ZFHX3: variants seen among roughly 807,000 people sequenced by gnomAD.
ZFHX3 encodes zinc finger homeobox 3.
In ZFHX3, 42 loss-of-function variants were observed where a neutral mutation model predicts 279.1. That is an observed-to-expected ratio of 0.15 (90% CI 0.12 to 0.19). The LOEUF is 0.19. Among genes scored for constraint, ZFHX3 ranks in the 10% least tolerant of loss-of-function variants. ZFHX3 has a pLI of 1.00. For synonymous variants in ZFHX3, 2,293 were observed against 1,957.8 expected (o/e 1.17, Z -4.52); for missense variants, 4,981 against 4,754.0 (o/e 1.05, Z -1.40).
chr16:73,473,365 A>AAAAAC (rs2018708207), intron 2 of ZFHX3, among the ~76,000 whole-genome samples: 113 of 130,098 alleles, frequency 8.7e-4, no homozygotes, highest in African/African-American at 3.2e-3. Flanking sequence ...AAACAAAAAA[A>AAAAAC]AAAAAAACAA....
intron 1 of ZFHX3, among the ~76,000 whole-genome samples, chr16:73,881,893 G>A (rs561435549): frequency 6.6e-6 from 1 of 151,988 alleles, no homozygotes; most frequent in Non-Finnish European, 1.5e-5. Context: ...GACCTGCCCC[G>A]CAGCTCCCCT....
chr16:73,852,056 A>G (rs543838091), intron 1 of ZFHX3, among the ~76,000 whole-genome samples: 1 of 152,322 alleles, frequency 6.6e-6, no homozygotes, highest in East Asian at 1.9e-4. Context: ...AAAGGTAAAA[A>G]TTGTTCATAA....
intron 1 of ZFHX3, among the ~76,000 whole-genome samples, chr16:73,723,008 T>C (rs2142240044): frequency 6.6e-6 from 1 of 152,306 alleles, no homozygotes; most frequent in African/African-American, 2.4e-5. Context: ...GTCTTCAAGC[T>C]AAATGCTAAG....
At chr16:72,903,662 CT>C (rs550991118) in intron 3 of ZFHX3, among the ~76,000 whole-genome samples, 2,260 of 152,274 alleles carry the variant, frequency 0.015, 33 homozygotes, top group Middle Eastern at 0.051. Context: ...CACAGAGGCC[CT>C]TGTGACAACT....
chr16:73,446,446 A>G (rs2018186679), intron 3 of ZFHX3, among the ~76,000 whole-genome samples: 1 of 152,208 alleles, frequency 6.6e-6, no homozygotes, highest in Non-Finnish European at 1.5e-5. Context: ...ATCAGATCTC[A>G]TAAAAGAACC....
chr16:73,086,252 GCA>G (rs1224758147), intron 8 of ZFHX3, among the ~76,000 whole-genome samples: 4 of 152,208 alleles, frequency 2.6e-5, no homozygotes, highest in Non-Finnish European at 5.9e-5. Context: ...GAACCCACGT[GCA>G]CTGTTGGTGG....
chr16:73,306,908 G>A (rs2015195035), intron 4 of ZFHX3, among the ~76,000 whole-genome samples: 3 of 152,298 alleles, frequency 2.0e-5, no homozygotes, highest in South Asian at 4.1e-4. Context: ...ACTGAGAGAA[G>A]GGTATAGAGT....
intron 3 of ZFHX3, among the ~76,000 whole-genome samples, chr16:73,376,939 C>A (rs1334451974): frequency 2.0e-5 from 3 of 150,150 alleles, no homozygotes; most frequent in Non-Finnish European, 4.4e-5. Flanking sequence ...ACAGTAACTC[C>A]AATTTTTTCA....
upstream of ZFHX3, among the ~76,000 whole-genome samples, chr16:73,048,876 G>A (rs946623457): frequency 2.0e-5 from 3 of 152,214 alleles, no homozygotes; most frequent in Non-Finnish European, 2.9e-5. Context: ...TAGAAAGATA[G>A]GAAGAAAAGA....
chr16:72,994,563 G>A (rs62053228), intron 1 of ZFHX3, among the ~76,000 whole-genome samples: 24 of 152,296 alleles, frequency 1.6e-4, no homozygotes, highest in South Asian at 1.0e-3. Flanking sequence ...CAGCCTATCC[G>A]ACTCCTACCT....
intron 3 of ZFHX3, 51 bp from the exon 4 acceptor site, chr16:72,890,013 G>A (rs900388008): frequency 3.9e-6 from 6 of 1,527,572 alleles, no homozygotes; most frequent in East Asian, 2.3e-5. Context: ...ACTCGAAGCG[G>A]CCACTGGCAT....
At chr16:73,086,728 C>G (rs994139592) in intron 8 of ZFHX3, among the ~76,000 whole-genome samples, 2 of 151,938 alleles carry the variant, frequency 1.3e-5, no homozygotes, top group South Asian at 4.1e-4. Flanking sequence ...CATGACAAAA[C>G]CCCATCTGTA....
Position 73,641,361 on chromosome 16 carries a change from A to G in ZFHX3, c.-1547+38819T>C, listed in dbSNP as rs75851609. ...ACAAGAGGAAGTGGTCTTGGAGCAGACCTAGAAAGTAACTGCCCACGCTGG... is the reference window on the plus strand; with the variant it reads ...ACAAGAGGAAGTGGTCTTGGAGCAGGCCTAGAAAGTAACTGCCCACGCTGG... On this transcript the variant is annotated intron_variant, in intron 2 of 17. Coordinates refer to the ZFHX3 transcript ENST00000641206. Among the ~76,000 whole-genome samples the G allele has an allele frequency of 3.6e-3, 551 of 152,260 alleles. 1 individual carries two copies. Among genetic ancestry groups the G allele is most frequent in the Middle Eastern group, 6.8e-3 (2 of 294 alleles).
chr16:73,174,394 C>G (rs1360170091), intron 5 of ZFHX3, among the ~76,000 whole-genome samples: 3 of 152,180 alleles, frequency 2.0e-5, no homozygotes, highest in Non-Finnish European at 2.9e-5. Context: ...GGATCCTGGT[C>G]AGATACCTGA....
chr16:73,610,509 C>A (rs1007840090), intron 2 of ZFHX3, among the ~76,000 whole-genome samples: 1 of 152,186 alleles, frequency 6.6e-6, no homozygotes, highest in Non-Finnish European at 1.5e-5. Context: ...GATAAAAGCA[C>A]TCCAAGGCAC....
At chr16:73,072,921 G>T (rs185609184) in intron 8 of ZFHX3, among the ~76,000 whole-genome samples, 4 of 151,080 alleles carry the variant, frequency 2.6e-5, no homozygotes, top group African/African-American at 7.3e-5. Context: ...TATTTGAGAC[G>T]GAGTCTCACT....
chr16:72,817,555 C>A (rs1382976428), intron 5 of ZFHX3, among the ~76,000 whole-genome samples: 1 of 152,208 alleles, frequency 6.6e-6, no homozygotes, highest in African/African-American at 2.4e-5. Context: ...AAGCAAAATT[C>A]ATCTTCTCAT....
At chr16:73,584,935 A>G (rs948013404) in intron 2 of ZFHX3, among the ~76,000 whole-genome samples, 3 of 152,256 alleles carry the variant, frequency 2.0e-5, no homozygotes, top group Non-Finnish European at 4.4e-5. Context: ...ATGAATAGAC[A>G]CTTCTCAAAA....
chr16:73,674,415 T>C (rs555567412), intron 2 of ZFHX3, among the ~76,000 whole-genome samples: 10 of 152,132 alleles, frequency 6.6e-5, no homozygotes, highest in African/African-American at 1.9e-4. Flanking sequence ...TAAAAATCAA[T>C]TGGAAGAGAT....
Sources: allele counts gnomAD v4.1 joint callset (sites outside exome capture counted in the v4.1 genomes callset), GRCh38; gene constraint gnomAD v4.1.1; transcripts MANE v1.5; gene names NCBI Gene and HGNC (gene_info 2026-07-23, HGNC 2026-07-21).